Variants in GALNT2 observed in about 807,000 individuals in gnomAD.
The protein encoded by GALNT2 is polypeptide N-acetylgalactosaminyltransferase 2.
Under a neutral mutation model 81.4 loss-of-function variants are expected in GALNT2, and 31 were observed. The observed-to-expected ratio is 0.38, with a 90% CI of 0.29 to 0.51. The LOEUF (loss-of-function observed/expected upper bound fraction) is 0.51. Among genes scored for constraint, GALNT2 ranks in the 20% least tolerant of loss-of-function variants. The pLI is 0.87. For missense variants in GALNT2, 629 were observed against 765.7 expected (o/e 0.82, Z 2.11); for synonymous variants, 303 against 287.4 (o/e 1.05, Z -0.55).
chr1:230,156,109 A>T (rs1277056817), intron 1 of GALNT2, among the ~76,000 whole-genome samples: 2 of 151,882 alleles, frequency 1.3e-5, no homozygotes, highest in Non-Finnish European at 2.9e-5. Context: ...TTGATTTTAG[A>T]TACAAGTGGA....
At chr1:230,202,773 G>C (rs1227489076) in intron 2 of GALNT2, among the ~76,000 whole-genome samples, 1 of 152,180 alleles carries the variant, frequency 6.6e-6, no homozygotes, top group Non-Finnish European at 1.5e-5. Context: ...CACCCTACCT[G>C]AGATAATGTC....
chr1:230,073,092 C>A (rs955320612), intron 1 of GALNT2, among the ~76,000 whole-genome samples: 1 of 152,164 alleles, frequency 6.6e-6, no homozygotes, highest in South Asian at 2.1e-4. Flanking sequence ...CATATGCAAA[C>A]CCCCCTGAAT....
chr1:230,240,866 T>C (rs1417820785), intron 6 of GALNT2, among the ~76,000 whole-genome samples: 3 of 152,208 alleles, frequency 2.0e-5, no homozygotes, highest in Non-Finnish European at 4.4e-5. Flanking sequence ...ATACCACTTG[T>C]TATTGTCCTA....
At chr1:230,147,307 C>T (rs576767068) in intron 1 of GALNT2, among the ~76,000 whole-genome samples, 14 of 152,304 alleles carry the variant, frequency 9.2e-5, no homozygotes, top group African/African-American at 3.1e-4. Flanking sequence ...CAAGATCGAC[C>T]GTGAATTATA....
rs1572170898 is a variant in GALNT2 at position 230,280,313 on chromosome 1, C to G, written c.*855C>G. 6.7e-6 allele frequency: 2 copies of G among 298,014 alleles called. No individual in the cohort carries two copies. The highest frequency in any genetic ancestry group is 2.2e-5 in the African/African-American group (1 of 46,246). The allele number at this position is 298,014 out of a possible 1,614,324, so 18.5% of individuals were successfully genotyped here. ...CCTCGGCCCCGGCATCCCTGTTGGG[C>G]GTCAGCCTGAGAGTCCCTACTGTGC... On this transcript the variant is annotated 3_prime_UTR_variant, in exon 16 of 16. Coordinates refer to ENST00000366672, the MANE Select transcript of GALNT2 (RefSeq NM_004481.5).
At chr1:230,187,851 AATC>A (rs1482588935) in intron 2 of GALNT2, among the ~76,000 whole-genome samples, 21 of 152,098 alleles carry the variant, frequency 1.4e-4, no homozygotes, top group African/African-American at 4.1e-4. Flanking sequence ...GTCCCTCTGA[AATC>A]AAGCTGATTC....
At chr1:230,150,362 A>G (rs934815085) in intron 1 of GALNT2, among the ~76,000 whole-genome samples, 7 of 152,236 alleles carry the variant, frequency 4.6e-5, no homozygotes, top group Admixed American at 1.3e-4. Context: ...AAGGTGTCAT[A>G]TTTCTTCTCA....
At chr1:230,221,527 C>G (rs1339323756) in intron 3 of GALNT2, among the ~76,000 whole-genome samples, 1 of 152,202 alleles carries the variant, frequency 6.6e-6, no homozygotes, top group Admixed American at 6.5e-5. Flanking sequence ...TGCCTGCCTT[C>G]TTTTCCTCCT....
chr1:230,259,050 A>C (rs957570378), intron 11 of GALNT2: 1 of 152,202 alleles, frequency 6.6e-6, no homozygotes, highest in Admixed American at 6.5e-5. Context: ...CCTGCTGTTG[A>C]CCTTCAGCCA....
chr1:230,156,178 C>T (rs891146824), intron 1 of GALNT2, among the ~76,000 whole-genome samples: 9 of 144,442 alleles, frequency 6.2e-5, no homozygotes, highest in South Asian at 2.2e-4. Context: ...TGTCTGGAGA[C>T]GGTGCGGTTT....
intron 2 of GALNT2, among the ~76,000 whole-genome samples, chr1:230,198,164 AC>A (rs1663763353): frequency 6.6e-6 from 1 of 152,114 alleles, no homozygotes; most frequent in African/African-American, 2.4e-5. Flanking sequence ...CCAGGACGAG[AC>A]CCTCAGTAGT....
At chr1:230,168,665 C>T (rs183695441) in intron 1 of GALNT2, among the ~76,000 whole-genome samples, 8 of 152,234 alleles carry the variant, frequency 5.3e-5, no homozygotes, top group East Asian at 1.9e-4. Flanking sequence ...TAGGATTATG[C>T]GCACATTTTT....
intron 1 of GALNT2, among the ~76,000 whole-genome samples, chr1:230,060,754 A>C (rs564056477): frequency 1.3e-5 from 2 of 152,104 alleles, no homozygotes; most frequent in South Asian, 4.2e-4. Context: ...ATTCTACTCA[A>C]AGAGTTCTCC....
At chr1:230,236,753 G>C in intron 6 of GALNT2, 28 bp downstream of exon 6, 1 of 1,593,920 alleles carries the variant, frequency 6.3e-7, no homozygotes, top group Non-Finnish European at 8.5e-7. Flanking sequence ...TCAGCGCCAA[G>C]ACAGTTGAAT....
In GALNT2 at chr1:230,151,566, T is replaced by C. The variant is rs115209740; in HGVS notation, c.127-26652T>C. On this transcript the variant is annotated intron_variant, in intron 1 of 15. Coordinates refer to ENST00000366672, the MANE Select transcript of GALNT2 (RefSeq NM_004481.5). ...TGGGAGGAGAATTTCTGATTCTCTC[T>C]ACAGCAGTGCCTTCTTCTGTAGGAT... 4.9e-3 allele frequency among the ~76,000 whole-genome samples: 747 copies of C among 152,324 alleles called. 8 individuals are homozygous for C. Among genetic ancestry groups the C allele is most frequent in the African/African-American group, 0.017 (713 of 41,572 alleles).
chr1:230,135,972 C>A (rs968442068), intron 1 of GALNT2, among the ~76,000 whole-genome samples: 2 of 152,012 alleles, frequency 1.3e-5, no homozygotes, highest in Non-Finnish European at 2.9e-5. Context: ...GGATTACAGG[C>A]GTGAGCTGCT....
At chr1:230,204,418 C>G (rs533754715) in intron 3 of GALNT2, among the ~76,000 whole-genome samples, 2 of 152,320 alleles carry the variant, frequency 1.3e-5, no homozygotes, top group Admixed American at 1.3e-4. Flanking sequence ...ATCCGCCCGC[C>G]TCGGCCTCCC....
rs867990043 is a variant in GALNT2, at chr1:230,081,813, G to T, written c.126+14407G>T. Among the ~76,000 whole-genome samples the T allele has an allele frequency of 2.0e-5, 3 of 152,330 alleles. No homozygotes were observed. In the South Asian group the frequency reaches 6.2e-4, roughly 32 times the overall value. On this transcript the variant is annotated intron_variant, in intron 1 of 15. Coordinates refer to ENST00000366672, the MANE Select transcript of GALNT2 (RefSeq NM_004481.5). ...CATGCTAACCATGACGAGGAAGGAT[G>T]GCACAGTGGTTGGGAGCCTGGCCTG...
At position 230,280,299 on chromosome 1, in the gene GALNT2, G is replaced by A. The variant is rs2102788050; in HGVS notation, c.*841G>A. The A allele has an allele frequency of 3.3e-6, 1 of 298,692 alleles. No individual in the cohort carries two copies. The highest frequency in any genetic ancestry group is 3.3e-5 in the South Asian group (1 of 30,228). The allele number at this position is 298,692 out of a possible 1,614,324, so 18.5% of individuals were successfully genotyped here. On this transcript the variant is annotated 3_prime_UTR_variant, in exon 16 of 16. Coordinates refer to ENST00000366672, the MANE Select transcript of GALNT2 (RefSeq NM_004481.5). ...CTCCAGACCACCGGCCTCGGCCCCG[G>A]CATCCCTGTTGGGCGTCAGCCTGAG...
Sources: allele counts gnomAD v4.1 joint callset (sites outside exome capture counted in the v4.1 genomes callset), GRCh38; gene constraint gnomAD v4.1.1; transcripts MANE v1.5; gene names NCBI Gene and HGNC (gene_info 2026-07-23, HGNC 2026-07-21).